The following UMAD1 variants were observed in gnomAD, a reference collection of about 807,000 sequenced individuals.
UMAD1 encodes the protein UBAP1-MVB12-associated (UMA)-domain containing protein 1.
In UMAD1, 8 loss-of-function variants were observed where a neutral mutation model predicts 6.1. That is an observed-to-expected ratio of 1.30 (90% CI 0.76 to 2.35). The LOEUF (loss-of-function observed/expected upper bound fraction) is 2.35, where lower values mean the gene tolerates loss of function less well. Ranked by LOEUF, UMAD1 falls within the 30% of genes most tolerant of loss-of-function variation. The probability of loss-of-function intolerance (pLI) is 0.00; values close to 1 mark genes in which losing one functional copy is unlikely to be tolerated. For synonymous variants in UMAD1, 56 were observed against 31.4 expected (o/e 1.78, Z -2.61); for missense variants, 130 against 78.4 (o/e 1.66, Z -2.49).
intron 3 of UMAD1, among the ~76,000 whole-genome samples, chr7:7,839,137 G>A (rs572066738): frequency 1.3e-4 from 20 of 152,190 alleles, no homozygotes; most frequent in East Asian, 3.9e-4. Context: ...ATAGTATCTC[G>A]TCATTGTTTA....
chr7:7,722,207 A>G (rs1168066942), intron 2 of UMAD1, among the ~76,000 whole-genome samples: 10 of 149,808 alleles, frequency 6.7e-5, no homozygotes, highest in Non-Finnish European at 1.2e-4. Flanking sequence ...ATATAGATAT[A>G]TAGATATATA....
intron 3 of UMAD1, among the ~76,000 whole-genome samples, chr7:7,822,726 C>T (rs1011772038): frequency 8.5e-5 from 13 of 152,094 alleles, no homozygotes; most frequent in African/African-American, 2.2e-4. Context: ...TTGAACAGTT[C>T]GGCTTCCTAC....
intron 2 of UMAD1, among the ~76,000 whole-genome samples, chr7:7,768,836 C>T (rs1489076212): frequency 6.6e-6 from 1 of 152,156 alleles, no homozygotes; most frequent in Non-Finnish European, 1.5e-5. Context: ...CTTCCCCAGA[C>T]AGTAAGCGTC....
At chr7:7,837,669 G>C (rs1182351364) in intron 3 of UMAD1, among the ~76,000 whole-genome samples, 1 of 151,786 alleles carries the variant, frequency 6.6e-6, no homozygotes, top group African/African-American at 2.4e-5. Context: ...AAAAAAAGAA[G>C]AGAAAAAGAA....
intron 2 of UMAD1, among the ~76,000 whole-genome samples, chr7:7,793,073 G>T (rs1404734643): frequency 6.6e-6 from 1 of 152,214 alleles, no homozygotes; most frequent in Non-Finnish European, 1.5e-5. Context: ...ATTCTCTGAT[G>T]CTGAACGAGC....
intron 3 of UMAD1, among the ~76,000 whole-genome samples, chr7:7,827,137 A>ATGTG (rs374866603): frequency 0.011 from 1,372 of 129,504 alleles, 4 homozygotes; most frequent in Middle Eastern, 0.02. Flanking sequence ...ATATATATAT[A>ATGTG]TATATATATA....
intron 2 of UMAD1, among the ~76,000 whole-genome samples, chr7:7,800,106 C>T (rs1393523372): frequency 1.3e-5 from 2 of 152,248 alleles, no homozygotes; most frequent in African/African-American, 4.8e-5. Flanking sequence ...TGGTCTCGAT[C>T]TCCTGACCTC....
At chr7:7,778,486 C>T (rs1383853618) in intron 2 of UMAD1, among the ~76,000 whole-genome samples, 1 of 150,868 alleles carries the variant, frequency 6.6e-6, no homozygotes, top group Non-Finnish European at 1.5e-5. Context: ...TGCAGGGGTG[C>T]GATCACAGCT....
At chr7:7,850,341 T>C (rs1783885800) in intron 3 of UMAD1, among the ~76,000 whole-genome samples, 1 of 152,086 alleles carries the variant, frequency 6.6e-6, no homozygotes, top group African/African-American at 2.4e-5. Context: ...CCACAGCAAT[T>C]TGATACATTA....
chr7:7,863,489 G>C (rs180790160), intron 3 of UMAD1, among the ~76,000 whole-genome samples: 1 of 152,286 alleles, frequency 6.6e-6, no homozygotes, highest in Admixed American at 6.5e-5. Context: ...TATGGGGCAT[G>C]CACATGTTTT....
At chr7:7,730,966 G>A (rs1038415272) in intron 2 of UMAD1, among the ~76,000 whole-genome samples, 1 of 152,228 alleles carries the variant, frequency 6.6e-6, no homozygotes, top group Non-Finnish European at 1.5e-5. Context: ...AGTTCCTCCT[G>A]GGGGAAAGGA....
At chr7:7,776,003 A>T (rs997676621) in intron 2 of UMAD1, among the ~76,000 whole-genome samples, 1 of 152,236 alleles carries the variant, frequency 6.6e-6, no homozygotes, top group Non-Finnish European at 1.5e-5. Flanking sequence ...CTTCACAAAT[A>T]TATATAAACT....
intron 2 of UMAD1, among the ~76,000 whole-genome samples, chr7:7,719,892 A>T (rs543140949): frequency 6.6e-6 from 1 of 152,342 alleles, no homozygotes; most frequent in Non-Finnish European, 1.5e-5. Flanking sequence ...TTTAAGTGGT[A>T]CACTAACCTT....
chr7:7,812,981 A>C (rs1022278926), intron 3 of UMAD1, among the ~76,000 whole-genome samples: 1 of 152,124 alleles, frequency 6.6e-6, no homozygotes, highest in Non-Finnish European at 1.5e-5. Context: ...TTTCATCTGA[A>C]TCTTCAGGCA....
intron 2 of UMAD1, among the ~76,000 whole-genome samples, chr7:7,768,518 G>C (rs1056831966): frequency 6.6e-6 from 1 of 151,952 alleles, no homozygotes; most frequent in African/African-American, 2.4e-5. Context: ...ATGCATTTCT[G>C]CTCATCCTCC....
chr7:7,677,544 A>T (rs1444056341), intron 2 of UMAD1, among the ~76,000 whole-genome samples: 1 of 151,272 alleles, frequency 6.6e-6, no homozygotes, highest in Non-Finnish European at 1.5e-5. Context: ...ACTTTACATG[A>T]TCTCCTCTAG....
At chr7:7,694,362 T>C (rs1432073653) in intron 2 of UMAD1, among the ~76,000 whole-genome samples, 2 of 152,146 alleles carry the variant, frequency 1.3e-5, no homozygotes, top group Admixed American at 6.5e-5. Context: ...GCATTTATCA[T>C]TTTTTTGTGA....
At chr7:7,659,274 T>C (rs1408432426) in intron 1 of UMAD1, among the ~76,000 whole-genome samples, 2 of 152,206 alleles carry the variant, frequency 1.3e-5, no homozygotes, top group Non-Finnish European at 2.9e-5. Context: ...TTCATTGATT[T>C]TTCGAAGGGT....
chr7:7,806,056 T>G (rs965543543), intron 3 of UMAD1, among the ~76,000 whole-genome samples: 5 of 152,200 alleles, frequency 3.3e-5, no homozygotes, highest in Non-Finnish European at 2.9e-5. Context: ...GTTAAAGGCC[T>G]AAATGTCATT....
Sources: gnomAD v4.1 joint callset for allele counts (sites outside exome capture counted in the v4.1 genomes callset) on GRCh38, gnomAD v4.1.1 for gene constraint, MANE v1.5 for transcripts, NCBI Gene and HGNC (gene_info 2026-07-23, HGNC 2026-07-21) for gene names.